Variants in SLC12A7 observed in about 807,000 individuals in gnomAD.
SLC12A7 encodes solute carrier family 12 member 7, also known as K-Cl cotransporter 4.
In SLC12A7, 100 loss-of-function variants were observed where a neutral mutation model predicts 120.6. The observed-to-expected ratio is 0.83, with a 90% CI of 0.71 to 0.98. SLC12A7 has a LOEUF of 0.98. SLC12A7 is among the 50% of genes least tolerant of loss of function. The pLI is 0.00. For missense variants in SLC12A7, 1,373 were observed against 1,548.1 expected, an observed-to-expected ratio of 0.89 and a Z score of 1.90; for synonymous variants, 760 against 678.0, an observed-to-expected ratio of 1.12 and a Z score of -1.88.
At position 1,088,595 on chromosome 5, in the gene SLC12A7, G is replaced by A. The variant is rs575260618; in HGVS notation, c.490-235C>T. On this transcript the variant is annotated intron_variant, in intron 4 of 23. Coordinates refer to ENST00000264930, the MANE Select transcript of SLC12A7 (RefSeq NM_006598.3). The stretch of plus-strand genomic sequence containing the variant: ...GACAGCGACCCCTGAAAGTGCCCAA[G>A]GTCCTTCCAAACTGGAGGTGATGTC... Among the ~76,000 whole-genome samples the A allele has an allele frequency of 3.3e-5, 5 of 152,230 alleles. No individual in the cohort carries two copies. The South Asian group carries it at 6.2e-4, about 19-fold the overall frequency.
chr5:1,117,332 G>T, the SLC12A7 span, among the ~76,000 whole-genome samples: 2 of 152,172 alleles, frequency 1.3e-5, no homozygotes, highest in Admixed American at 6.5e-5. This position sits in a 1 kb window ranked among gnomAD's most constrained non-coding sequence, Gnocchi z 4.5. Context: ...GAAGGGTTCC[G>T]ACCTGACTCC....
At chr5:1,102,277 G>A (rs1453438966) in intron 1 of SLC12A7, among the ~76,000 whole-genome samples, 7 of 152,212 alleles carry the variant, frequency 4.6e-5, no homozygotes, top group African/African-American at 1.7e-4. Context: ...CCAGGCCTGG[G>A]AAGTGCGTTC....
At chr5:1,125,882 A>G in the SLC12A7 span, among the ~76,000 whole-genome samples, 1 of 148,892 alleles carries the variant, frequency 6.7e-6, no homozygotes, top group East Asian at 2.0e-4. Flanking sequence ...CTGAGATCAC[A>G]TCACTGCACT....
intron 15 of SLC12A7, 114 bp downstream of exon 15, chr5:1,075,257 G>A (rs1738194321): frequency 1.3e-5 from 18 of 1,420,966 alleles, no homozygotes; most frequent in Middle Eastern, 3.9e-4. Context: ...CCCTGTGAGG[G>A]CACACGACGC....
At chr5:1,078,552 C>T in intron 11 of SLC12A7, 149 bp downstream of exon 11, 1 of 690,138 alleles carries the variant, frequency 1.4e-6, no homozygotes, top group Non-Finnish European at 2.6e-6. Flanking sequence ...CACATCAGAC[C>T]AAGGGATCCC....
the SLC12A7 span, among the ~76,000 whole-genome samples, chr5:1,120,156 C>T: frequency 6.6e-6 from 1 of 152,254 alleles, no homozygotes; most frequent in Non-Finnish European, 1.5e-5. Flanking sequence ...TGGCTGCAGA[C>T]CCTGCCACAG....
chr5:1,123,565 AG>A, the SLC12A7 span, among the ~76,000 whole-genome samples: 1 of 152,220 alleles, frequency 6.6e-6, no homozygotes, highest in Non-Finnish European at 1.5e-5. Context: ...CGGCCCACTG[AG>A]GGGTAGCAGC....
At chr5:1,137,873 A>T in the SLC12A7 span, among the ~76,000 whole-genome samples, 3,401 of 152,286 alleles carry the variant, frequency 0.022, 145 homozygotes, top group African/African-American at 0.078. Context: ...TGTGAGGAGA[A>T]TCATGGATGT....
chr5:1,081,866 G>C, intron 8 of SLC12A7, 122 bp from the exon 9 acceptor site: 1 of 1,128,152 alleles, frequency 8.9e-7, no homozygotes, highest in Non-Finnish European at 1.3e-6. Flanking sequence ...CAGCTTGTGC[G>C]CCGCAAGCAG....
At chr5:1,054,513 G>T (rs145002977) in intron 22 of SLC12A7, among the ~76,000 whole-genome samples, 16 of 152,116 alleles carry the variant, frequency 1.1e-4, no homozygotes, top group South Asian at 6.3e-4. Flanking sequence ...AACGCTGGGC[G>T]GAGGGGAGCA....
At chr5:1,124,549 T>C in the SLC12A7 span, among the ~76,000 whole-genome samples, 1 of 152,020 alleles carries the variant, frequency 6.6e-6, no homozygotes, top group Non-Finnish European at 1.5e-5. Context: ...AGGAAAATGG[T>C]TCCTGATGGA....
At chr5:1,094,739 G>A (rs1162734801) in intron 1 of SLC12A7, among the ~76,000 whole-genome samples, 3 of 152,264 alleles carry the variant, frequency 2.0e-5, no homozygotes, top group South Asian at 2.1e-4. Flanking sequence ...TGCTTAATCC[G>A]CCATTTCGGA....
At chr5:1,077,447 T>C (rs1175531001) in intron 12 of SLC12A7, among the ~76,000 whole-genome samples, 1 of 152,084 alleles carries the variant, frequency 6.6e-6, no homozygotes, top group African/African-American at 2.4e-5. Context: ...CCACACACAC[T>C]GGCTGCAGGT....
rs1463451884 is a variant in SLC12A7, at chr5:1,092,428, G to A, written c.342+1105C>T. ...GCCCACCCTCCCTGGACCTGGGGGC[G>A]CCTGGCTCAGCACCTCCTTCCTTCC... is the stretch of plus-strand genomic sequence containing the variant. On this transcript the variant is annotated intron_variant, in intron 3 of 23. Transcript: ENST00000264930. Among the ~76,000 whole-genome samples the A allele has an allele frequency of 3.3e-5, 5 of 152,236 alleles. No homozygotes were observed. The East Asian group carries it at 5.8e-4, about 18-fold the overall frequency.
rs150200943 is a variant in SLC12A7, at chr5:1,085,626, C to G, written c.676-153G>C. Among the ~76,000 whole-genome samples the G allele has an allele frequency of 2.9e-3, 425 of 145,522 alleles. 4 individuals are homozygous for G. Among genetic ancestry groups the G allele is most frequent in the South Asian group, 0.019 (88 of 4,580 alleles). On this transcript the variant is annotated intron_variant, in intron 6 of 23. Transcript: ENST00000264930. ...CGTGCTGGACGGAGCCCGCGGGGGT[C>G]AGCGCACAGGCAAGGGACGGAGCCC...
rs370702017 is a variant in SLC12A7, at chr5:1,066,079, C to G, written c.2242-601G>C. On this transcript the variant is annotated intron_variant, in intron 17 of 23. Transcript: ENST00000264930. ...CACGTGCGTGGCCGAGGACCTGCCACGCACTAAAGCCATGCATGTGTGGAC... is the reference window on the plus strand; with the variant it reads ...CACGTGCGTGGCCGAGGACCTGCCAGGCACTAAAGCCATGCATGTGTGGAC... Among the ~76,000 whole-genome samples the G allele has an allele frequency of 4.6e-5, 7 of 152,274 alleles. No homozygotes were observed. The East Asian group carries it at 9.7e-4, about 21-fold the overall frequency.
chr5:1,089,242 G>A, intron 3 of SLC12A7, 114 bp from the exon 4 acceptor site: 1 of 1,159,210 alleles, frequency 8.6e-7, no homozygotes, highest in Non-Finnish European at 1.2e-6. Flanking sequence ...GGCAGGAGGG[G>A]GCAGGAGTCC....
At chr5:1,154,354 A>ACCACAC in the SLC12A7 span, among the ~76,000 whole-genome samples, 1 of 141,724 alleles carries the variant, frequency 7.1e-6, no homozygotes. Context: ...TGGTGTCCGC[A>ACCACAC]ACACACACAC....
chr5:1,102,294 AGTTT>A (rs1742098247), intron 1 of SLC12A7, among the ~76,000 whole-genome samples: 1 of 152,170 alleles, frequency 6.6e-6, no homozygotes, highest in Non-Finnish European at 1.5e-5. Context: ...GTTCATGGGT[AGTTT>A]CTGCAGGGAG....
Sources: allele counts gnomAD v4.1 joint callset (sites outside exome capture counted in the v4.1 genomes callset), GRCh38; gene constraint gnomAD v4.1.1; non-coding constraint Gnocchi (gnomAD v3.1); transcripts MANE v1.5; gene names NCBI Gene and HGNC (gene_info 2026-07-23, HGNC 2026-07-21).